Variants in FLNB observed in about 807,000 individuals in gnomAD.
FLNB encodes the protein filamin-B.
A neutral mutation model predicts 250.6 loss-of-function variants in FLNB; 111 were observed. The ratio of observed to expected loss-of-function variants is 0.44; its 90% CI spans 0.38 to 0.52. FLNB has a LOEUF of 0.52. Ranked by LOEUF, FLNB falls within the 20% of genes least tolerant of loss-of-function variation. The probability of loss-of-function intolerance (pLI) is 0.00; values close to 1 mark genes in which losing one functional copy is unlikely to be tolerated. For synonymous variants in FLNB, 1,302 were observed against 1,372.1 expected (o/e 0.95, Z 1.13); for missense variants, 2,869 against 3,447.8 (o/e 0.83, Z 4.20).
chr3:58,154,912 T>C lies in FLNB; in HGVS notation c.6756T>C (p.Tyr2252=), dbSNP rs753808253. The C allele has an allele frequency of 1.9e-6, 3 of 1,614,124 alleles. No individual in the cohort carries two copies. The highest frequency in any genetic ancestry group is 2.5e-6 in the Non-Finnish European group (3 of 1,179,980). The part of the protein sequence containing the change: ...DHKNGSCGVS[Y]IAQEPGNYEV... ...AAAATGGGTCGTGCGGTGTATCTTA[T>C]ATTGCCCAAGAGCCTGGTATGTATT... Residue 2252 remains tyrosine, a synonymous_variant, in exon 40 of 46, where the codon TAT becomes TAC. Coordinates refer to ENST00000295956, the MANE Select transcript of FLNB (RefSeq NM_001457.4).
chr3:58,066,751 A>G (rs2097186209), intron 1 of FLNB, among the ~76,000 whole-genome samples: 1 of 152,198 alleles, frequency 6.6e-6, no homozygotes, highest in South Asian at 2.1e-4. Flanking sequence ...GCATTGGGTG[A>G]TGAAAATGGA....
At position 58,147,135 on chromosome 3, in the gene FLNB, G is replaced by A; in HGVS notation, c.5728+142G>A. The A allele has an allele frequency of 6.4e-6, 5 of 783,548 alleles. No individual in the cohort carries two copies. In the South Asian group the frequency reaches 8.8e-5, roughly 14 times the overall value. 48.5% of individuals were successfully genotyped at this position (783,548 alleles called of 1,614,324 possible). ...CAGAGACTTGTTGAGGAGGAGCAGG[G>A]GATGGAATGCAATTTTGGATTAGCT... On this transcript the variant is annotated intron_variant, in intron 34 of 45. Transcript: ENST00000295956.
Position 58,138,482 on chromosome 3 carries a change from G to T in FLNB, c.5062G>T (p.Val1688Leu). 1 of 1,614,220 alleles carries T rather than the reference G, an allele frequency of 6.2e-7. No individual in the cohort carries two copies. The highest frequency in any genetic ancestry group is 8.5e-7 in the Non-Finnish European group (1 of 1,180,042). Reference sequence around the variant, plus strand: ...CAAGCCGGGCACATATGTGATCTATGTGCGCTTCGGTGGTGTTGATATTCC... The same window carrying T: ...CAAGCCGGGCACATATGTGATCTATTTGCGCTTCGGTGGTGTTGATATTCC... ...AAKPGTYVIY[V>L]RFGGVDIPNS... Residue 1688 changes from valine (V) to leucine (L), a missense_variant, in exon 29 of 46, where the codon GTG becomes TTG. Transcript: ENST00000295956.
chr3:58,069,139 T>TAAA (rs966824772), intron 1 of FLNB, among the ~76,000 whole-genome samples: 19 of 134,602 alleles, frequency 1.4e-4, no homozygotes, highest in African/African-American at 4.4e-4. Context: ...ACCCTGTCTT[T>TAAA]AAAAAAAAAA....
chr3:58,151,990 A>C (rs2097345886), intron 38 of FLNB, among the ~76,000 whole-genome samples: 1 of 152,224 alleles, frequency 6.6e-6, no homozygotes, highest in Non-Finnish European at 1.5e-5. Context: ...TTCGATTACT[A>C]GTGATATGTG....
intron 1 of FLNB, among the ~76,000 whole-genome samples, chr3:58,054,072 G>A (rs2097166747): frequency 6.6e-6 from 1 of 152,198 alleles, no homozygotes; most frequent in Non-Finnish European, 1.5e-5. Flanking sequence ...GGGCCCAGTA[G>A]TGGGAAGTGC....
chr3:58,048,206 A>G (rs893338589), intron 1 of FLNB, among the ~76,000 whole-genome samples: 3 of 152,322 alleles, frequency 2.0e-5, no homozygotes, highest in African/African-American at 7.2e-5. Context: ...TTTAATCAAG[A>G]ACAGCCCCCC....
intron 43 of FLNB, among the ~76,000 whole-genome samples, chr3:58,166,449 C>T (rs939995780): frequency 2.0e-5 from 3 of 151,950 alleles, no homozygotes; most frequent in Non-Finnish European, 4.4e-5. Flanking sequence ...TTTTTAAAGA[C>T]GAACTTAGGA....
At chr3:58,078,605 A>G in intron 2 of FLNB, 112 bp from the exon 3 acceptor site, 1 of 1,517,002 alleles carries the variant, frequency 6.6e-7, no homozygotes, top group Non-Finnish European at 8.9e-7. Flanking sequence ...AGATTTTAGG[A>G]AAAAATCATT....
intron 1 of FLNB, among the ~76,000 whole-genome samples, chr3:58,055,707 AG>A (rs2097169373): frequency 6.6e-6 from 1 of 152,234 alleles, no homozygotes; most frequent in African/African-American, 2.4e-5. Context: ...TTGTAGCCAG[AG>A]TTGTTAACTT....
chr3:58,076,437 T>C (rs1044373084), intron 1 of FLNB, among the ~76,000 whole-genome samples: 2 of 152,128 alleles, frequency 1.3e-5, no homozygotes, highest in Non-Finnish European at 2.9e-5. Flanking sequence ...CTCCTTTTTG[T>C]TGTGTATATT....
intron 8 of FLNB, among the ~76,000 whole-genome samples, chr3:58,100,373 A>AAATATATATATATATATATATATATATAT: frequency 4.6e-4 from 48 of 104,344 alleles, no homozygotes; most frequent in African/African-American, 2.0e-3. Context: ...GTAAAAAAAA[A>AAATATATATATATATATATATATATATAT]ATATATATAT....
At chr3:58,113,954 C>T (rs2097273432) in intron 18 of FLNB, among the ~76,000 whole-genome samples, 1 of 152,088 alleles carries the variant, frequency 6.6e-6, no homozygotes, top group Admixed American at 6.5e-5. Flanking sequence ...GCGGATATTA[C>T]AGGCATGAGC....
In FLNB at chr3:58,118,549, G is replaced by A. The variant is rs192310506; in HGVS notation, c.2746-323G>A. Among the ~76,000 whole-genome samples, 28 of 152,302 alleles carry A rather than the reference G, an allele frequency of 1.8e-4. No individual in the cohort carries two copies. The East Asian group carries it at 4.4e-3, about 24-fold the overall frequency. On this transcript the variant is annotated intron_variant, in intron 18 of 45. Transcript: ENST00000295956. The stretch of plus-strand genomic sequence containing the variant: ...ACAGTTTCCTCTCCTGAAAAAATGA[G>A]ATGACAGTAGGAACTACCCCTTAGG...
chr3:58,040,399 C>T (rs1402920393), intron 1 of FLNB, among the ~76,000 whole-genome samples: 3 of 152,218 alleles, frequency 2.0e-5, no homozygotes, highest in Admixed American at 6.5e-5. Context: ...TTGGCCCTCT[C>T]ATTAAGGTGG....
chr3:58,054,612 A>G (rs1296167567), intron 1 of FLNB, among the ~76,000 whole-genome samples: 1 of 152,206 alleles, frequency 6.6e-6, no homozygotes, highest in African/African-American at 2.4e-5. Flanking sequence ...AAAGCCCCTT[A>G]TAAAACCATC....
intron 25 of FLNB, among the ~76,000 whole-genome samples, chr3:58,131,375 G>C (rs892510233): frequency 4.6e-5 from 7 of 152,248 alleles, no homozygotes; most frequent in African/African-American, 1.7e-4. Flanking sequence ...TCCCCAGAGA[G>C]AGAGTGTGTC....
intron 1 of FLNB, among the ~76,000 whole-genome samples, chr3:58,043,919 C>T (rs2097149819): frequency 6.6e-6 from 1 of 152,158 alleles, no homozygotes; most frequent in Non-Finnish European, 1.5e-5. Context: ...TGCAGCAGGG[C>T]CTCAGGAAGA....
In FLNB at chr3:58,142,896, G is replaced by A. The variant is rs1686423537; in HGVS notation, c.5284+144G>A. ...AGTTCTTGGTCTCCGGTGTTGGGCC[G>A]TGGGCTCCTGAAACTACAGAATATG... On this transcript the variant is annotated intron_variant, in intron 31 of 45. Coordinates refer to ENST00000295956, the MANE Select transcript of FLNB (RefSeq NM_001457.4). This position sits in a 1 kb window ranked among gnomAD's most constrained non-coding sequence, Gnocchi z 4.3. The A allele has an allele frequency of 1.0e-5, 7 of 702,852 alleles. No homozygotes were observed. The highest frequency in any genetic ancestry group is 7.9e-5 in the South Asian group (5 of 62,988). The allele number at this position is 702,852 out of a possible 1,614,324, so 43.5% of individuals were successfully genotyped here. A position where few individuals can be genotyped will look rare whatever the true frequency, so the allele number is the denominator to read the frequency against.
Sources: gnomAD v4.1 joint callset for allele counts (sites outside exome capture counted in the v4.1 genomes callset) on GRCh38, gnomAD v4.1.1 for gene constraint, Gnocchi (gnomAD v3.1) non-coding constraint, MANE v1.5 for transcripts, NCBI Gene and HGNC (gene_info 2026-07-23, HGNC 2026-07-21) for gene names.